TP63: variants seen among roughly 807,000 people sequenced by gnomAD.
TP63 encodes the protein tumor protein 63.
Under a neutral mutation model 82.8 loss-of-function variants are expected in TP63, and 17 were observed. The observed-to-expected ratio is 0.21, with a 90% CI of 0.14 to 0.31. The LOEUF (loss-of-function observed/expected upper bound fraction) is 0.31. Ranked by LOEUF, TP63 falls within the 10% of genes least tolerant of loss-of-function variation. TP63 has a pLI of 1.00. For missense variants in TP63, 648 were observed against 895.3 expected, an observed-to-expected ratio of 0.72 and a Z score of 3.52; for synonymous variants, 330 against 321.7, an observed-to-expected ratio of 1.03 and a Z score of -0.28.
At chr3:189,671,153 G>A (rs1190044727) in intron 1 of TP63, among the ~76,000 whole-genome samples, 1 of 151,896 alleles carries the variant, frequency 6.6e-6, no homozygotes, top group Non-Finnish European at 1.5e-5. Context: ...TTAATATCCA[G>A]AATATACGAA....
intron 3 of TP63, among the ~76,000 whole-genome samples, chr3:189,746,366 G>T (rs1464715058): frequency 6.6e-6 from 1 of 151,452 alleles, no homozygotes; most frequent in East Asian, 1.9e-4. Context: ...TAAGCCAAAG[G>T]TGAGAGAATT....
intron 3 of TP63, among the ~76,000 whole-genome samples, chr3:189,777,696 T>G (rs2108569999): frequency 6.6e-6 from 1 of 151,980 alleles, no homozygotes; most frequent in Admixed American, 6.6e-5. Flanking sequence ...AACTTTACAC[T>G]TACTTAGTCT....
intron 3 of TP63, among the ~76,000 whole-genome samples, chr3:189,787,580 A>T (rs895026410): frequency 5.9e-5 from 9 of 152,060 alleles, no homozygotes; most frequent in Non-Finnish European, 8.8e-5. Context: ...TGGCACATGG[A>T]AGGAATCTGA....
chr3:189,807,924 G>A (rs1399772), intron 3 of TP63, among the ~76,000 whole-genome samples: 152,221 of 152,332 alleles, frequency 1, 76,056 homozygotes, highest in East Asian at 1. Flanking sequence ...AAATGGAATA[G>A]CAGGCAGTAT....
intron 1 of TP63, among the ~76,000 whole-genome samples, chr3:189,684,234 GA>G (rs1326823555): frequency 6.6e-6 from 1 of 152,144 alleles, no homozygotes; most frequent in Non-Finnish European, 1.5e-5. Flanking sequence ...CTAGGTACCA[GA>G]AATATGAAGC....
At chr3:189,856,172 T>C (rs930553743) in intron 4 of TP63, among the ~76,000 whole-genome samples, 18 of 151,374 alleles carry the variant, frequency 1.2e-4, no homozygotes, top group Non-Finnish European at 2.5e-4. Context: ...AAAATCTGTT[T>C]AGAATGGTAA....
the TP63 span, among the ~76,000 whole-genome samples, chr3:189,603,676 AGAAG>A: frequency 2.7e-5 from 1 of 37,252 alleles, no homozygotes; most frequent in East Asian, 2.2e-3. Context: ...AAAAAAAAAA[AGAAG>A]CACAGTCCTG....
intron 4 of TP63, among the ~76,000 whole-genome samples, chr3:189,840,480 TTA>T (rs767200741): frequency 1.4e-5 from 2 of 142,072 alleles, no homozygotes; most frequent in Non-Finnish European, 3.1e-5. Flanking sequence ...GTGTGTGTGT[TTA>T]TGAGAGAGAC....
At chr3:189,725,035 TA>T (rs1329018732) in intron 1 of TP63, among the ~76,000 whole-genome samples, 2 of 152,234 alleles carry the variant, frequency 1.3e-5, no homozygotes, top group African/African-American at 4.8e-5. Flanking sequence ...GCTTAATAAA[TA>T]AATCCTTATG....
At chr3:189,655,532 G>C (rs1046154198) in intron 1 of TP63, among the ~76,000 whole-genome samples, 2 of 152,156 alleles carry the variant, frequency 1.3e-5, no homozygotes, top group African/African-American at 4.8e-5. Flanking sequence ...TGAGGAAAGA[G>C]AATTGCTTGA....
intron 8 of TP63, 107 bp from the exon 9 acceptor site, chr3:189,869,217 G>C: frequency 1.1e-6 from 1 of 875,964 alleles, no homozygotes; most frequent in Admixed American, 2.1e-5. Context: ...TTTTTAATAT[G>C]TATATTAAAT....
chr3:189,835,547 G>T (rs6444400), intron 4 of TP63, among the ~76,000 whole-genome samples: 142,052 of 152,228 alleles, frequency 0.93, 66,386 homozygotes, highest in African/African-American at 0.96. Flanking sequence ...TCTTACCGAA[G>T]GCTCAGTTCC....
At chr3:189,682,548 AAAAAAAT>A (rs1465022183) in intron 1 of TP63, among the ~76,000 whole-genome samples, 3 of 48,936 alleles carry the variant, frequency 6.1e-5, no homozygotes, top group East Asian at 4.6e-4. Context: ...AAAAAAAAAA[AAAAAAAT>A]ATATATATAT....
At chr3:189,679,342 A>G (rs990861716) in intron 1 of TP63, among the ~76,000 whole-genome samples, 3 of 152,046 alleles carry the variant, frequency 2.0e-5, no homozygotes, top group South Asian at 2.1e-4. Flanking sequence ...GTGAGGTGAC[A>G]TCTTACAATG....
At chr3:189,650,650 C>T (rs1712811483) in intron 1 of TP63, among the ~76,000 whole-genome samples, 1 of 147,414 alleles carries the variant, frequency 6.8e-6, no homozygotes, top group African/African-American at 2.5e-5. Flanking sequence ...AAAGGCCTCC[C>T]CAGCCATGCT....
intron 1 of TP63, among the ~76,000 whole-genome samples, chr3:189,672,599 C>G (rs1167950802): frequency 7.7e-6 from 1 of 129,538 alleles, no homozygotes; most frequent in Non-Finnish European, 1.6e-5. Flanking sequence ...AAGAACCTGT[C>G]ACAAATAAAG....
At chr3:189,777,815 ATGCTGAGTC>A (rs1218181246) in intron 3 of TP63, among the ~76,000 whole-genome samples, 2 of 115,374 alleles carry the variant, frequency 1.7e-5, no homozygotes, top group Non-Finnish European at 3.6e-5. Flanking sequence ...CTTTGGACAG[ATGCTGAGTC>A]TTCTTCTTCT....
chr3:189,686,208 C>G (rs1474115852), intron 1 of TP63, among the ~76,000 whole-genome samples: 1 of 151,552 alleles, frequency 6.6e-6, no homozygotes, highest in Non-Finnish European at 1.5e-5. Context: ...CCATCCTGAT[C>G]ACTAATTTTT....
intron 1 of TP63, among the ~76,000 whole-genome samples, chr3:189,651,840 A>G (rs532660116): frequency 6.8e-6 from 1 of 147,158 alleles, no homozygotes; most frequent in East Asian, 2.4e-4. Flanking sequence ...AGCTGTGGCT[A>G]AAAGGGGAAA....
Sources: gnomAD v4.1 joint callset for allele counts (sites outside exome capture counted in the v4.1 genomes callset) on GRCh38, gnomAD v4.1.1 for gene constraint, MANE v1.5 for transcripts, NCBI Gene and HGNC (gene_info 2026-07-23, HGNC 2026-07-21) for gene names.